Variants in RASA2 observed in about 807,000 individuals in gnomAD.
The protein encoded by RASA2 is ras GTPase-activating protein 2.
RASA2 carries 155 observed loss-of-function variants against 118.2 expected under a neutral mutation model. The observed-to-expected ratio is 1.31, with a 90% CI of 1.15 to 1.50. RASA2 has a LOEUF of 1.50. RASA2 is among the 40% of genes most tolerant of loss of function. The pLI is 0.00. For synonymous variants in RASA2, 353 were observed against 349.1 expected (o/e 1.01, Z -0.12); for missense variants, 1,016 against 1,009.6 (o/e 1.01, Z -0.09).
intron 9 of RASA2, among the ~76,000 whole-genome samples, chr3:141,568,684 CAG>C (rs2082864102): frequency 6.6e-6 from 1 of 152,054 alleles, no homozygotes; most frequent in African/African-American, 2.4e-5. Context: ...GCACTCCACA[CAG>C]ATTCTTTCTT....
At chr3:141,497,770 G>A (rs1034093374) in intron 1 of RASA2, among the ~76,000 whole-genome samples, 1 of 151,370 alleles carries the variant, frequency 6.6e-6, no homozygotes, top group Non-Finnish European at 1.5e-5. Context: ...TACTTGGAAT[G>A]CTGAGGCCAG....
At chr3:141,547,880 T>A (rs1026850071) in intron 5 of RASA2, among the ~76,000 whole-genome samples, 9 of 152,088 alleles carry the variant, frequency 5.9e-5, no homozygotes, top group Non-Finnish European at 7.4e-5. Context: ...TTTTTGAGGG[T>A]TTTATTATTA....
intron 4 of RASA2, among the ~76,000 whole-genome samples, chr3:141,539,463 G>C (rs2082375138): frequency 6.6e-6 from 1 of 152,198 alleles, no homozygotes; most frequent in South Asian, 2.1e-4. Flanking sequence ...ATTCATTCTT[G>C]TATAAGTCCC....
At chr3:141,535,823 A>C (rs74903118) in intron 4 of RASA2, among the ~76,000 whole-genome samples, 1 of 152,078 alleles carries the variant, frequency 6.6e-6, no homozygotes, top group South Asian at 2.1e-4. Flanking sequence ...TGAGGGATCT[A>C]CCCCCATGAT....
Position 141,609,457 on chromosome 3 carries a change from G to A in RASA2, c.2263G>A (p.Asp755Asn), listed in dbSNP as rs1449224942. Residue 755 changes from aspartate to asparagine, a missense_variant, in exon 22 of 24, where the codon GAC (aspartate) becomes AAC (asparagine). Physicochemically the swap from Asp to Asn is conservative, Grantham distance 23. Coordinates refer to ENST00000286364, the MANE Select transcript of RASA2 (RefSeq NM_006506.5). ...PADIQIDIDEDRETERIYSLF... is the reference protein window; with the variant it reads ...PADIQIDIDENRETERIYSLF... ...AGACATCCAAATAGATATTGATGAA[G>A]ACAGAGAAACAGAAAGAATTTATTC... The A allele has an allele frequency of 6.2e-7, 1 of 1,604,872 alleles. No individual in the cohort carries two copies. Among genetic ancestry groups the A allele is most frequent in the African/African-American group, 1.3e-5 (1 of 74,746 alleles).
chr3:141,573,072 A>G (rs1445377029), intron 12 of RASA2, 75 bp from the exon 13 acceptor site: 3 of 1,252,540 alleles, frequency 2.4e-6, no homozygotes, highest in Admixed American at 2.9e-5. Context: ...AACTTTTATT[A>G]TCAGAAAAAT....
intron 7 of RASA2, 93 bp from the exon 8 acceptor site, chr3:141,558,793 C>A: frequency 1.0e-6 from 1 of 981,652 alleles, no homozygotes; most frequent in Non-Finnish European, 1.6e-6. Context: ...CTGCTTTTAT[C>A]CACAATTGAA....
At chr3:141,580,086 ATATATATATAT>A (rs1239680320) in intron 15 of RASA2, among the ~76,000 whole-genome samples, 45 of 51,334 alleles carry the variant, frequency 8.8e-4, no homozygotes, top group African/African-American at 2.8e-3. Context: ...AAAAAAAAAA[ATATATATATAT>A]ATATATATAT....
intron 23 of RASA2, among the ~76,000 whole-genome samples, chr3:141,610,368 A>G (rs2083621774): frequency 8.2e-6 from 1 of 121,518 alleles, no homozygotes; most frequent in South Asian, 2.4e-4. Flanking sequence ...TATATTATAT[A>G]TTTATATTTA....
intron 4 of RASA2, among the ~76,000 whole-genome samples, chr3:141,530,025 AT>A (rs2082238833): frequency 6.8e-6 from 1 of 147,870 alleles, no homozygotes; most frequent in East Asian, 2.0e-4. Flanking sequence ...ATTTGTGGAG[AT>A]TAGGGCATTT....
intron 1 of RASA2, among the ~76,000 whole-genome samples, chr3:141,501,603 T>A (rs757518662): frequency 1.1e-4 from 17 of 152,220 alleles, no homozygotes; most frequent in African/African-American, 2.4e-4. Context: ...CTGTAATGCA[T>A]TCATTTAACT....
intron 17 of RASA2, among the ~76,000 whole-genome samples, chr3:141,584,789 G>A (rs1321690351): frequency 6.6e-6 from 1 of 152,080 alleles, no homozygotes; most frequent in Admixed American, 6.5e-5. Context: ...GTTACAGGTT[G>A]AGTATCCTTT....
intron 3 of RASA2, among the ~76,000 whole-genome samples, chr3:141,527,612 G>T (rs1330674310): frequency 6.6e-6 from 1 of 151,922 alleles, no homozygotes; most frequent in Non-Finnish European, 1.5e-5. Context: ...TAGAATTATG[G>T]TAATCATTTG....
Position 141,586,763 on chromosome 3 carries a change from T to A in RASA2, c.1933+11T>A, listed in dbSNP as rs1214590108. 6.3e-7 allele frequency: 1 copy of A among 1,592,794 alleles called. No individual in the cohort carries two copies. The highest frequency in any genetic ancestry group is 8.6e-7 in the Non-Finnish European group (1 of 1,161,208). On this transcript the variant is annotated intron_variant, in intron 19 of 23. Coordinates refer to ENST00000286364, the MANE Select transcript of RASA2 (RefSeq NM_006506.5). Reference sequence around the variant, plus strand: ...ACCACAAACAGCCAGGTAGTTGTGTTTATGCTTTATTGTGGGGTTTTTCCT... The same window carrying A: ...ACCACAAACAGCCAGGTAGTTGTGTATATGCTTTATTGTGGGGTTTTTCCT...
At chr3:141,553,830 T>A in intron 5 of RASA2, 27 bp from the exon 6 acceptor site, 1 of 1,589,648 alleles carries the variant, frequency 6.3e-7, no homozygotes. Flanking sequence ...GAATCTAATA[T>A]GTTAAATCTC....
At chr3:141,524,870 C>G (rs952860084) in intron 3 of RASA2, among the ~76,000 whole-genome samples, 2 of 152,114 alleles carry the variant, frequency 1.3e-5, no homozygotes, top group Non-Finnish European at 2.9e-5. Flanking sequence ...GGATTACACG[C>G]GTGAGCCACC....
chr3:141,563,802 A>G (rs1345442713), intron 9 of RASA2, among the ~76,000 whole-genome samples: 42 of 152,326 alleles, frequency 2.8e-4, no homozygotes, highest in Admixed American at 2.7e-3. Flanking sequence ...GAACTCTGGC[A>G]TATTTCTGAA....
chr3:141,597,250 T>C (rs2083388032), intron 19 of RASA2, among the ~76,000 whole-genome samples: 1 of 151,726 alleles, frequency 6.6e-6, no homozygotes, highest in Non-Finnish European at 1.5e-5. Flanking sequence ...AAAATAATAA[T>C]AAAGAATACT....
rs1486781231 is a variant in RASA2 at position 141,496,865 on chromosome 3, C to T, written c.133+9649C>T. On this transcript the variant is annotated intron_variant, in intron 1 of 23. Coordinates refer to ENST00000286364, the MANE Select transcript of RASA2 (RefSeq NM_006506.5). The stretch of plus-strand genomic sequence containing the variant: ...ATGCTGCTACAAAGACACATGCACA[C>T]GTATGTTTATTGCGGCATTATTCAC... Among the ~76,000 whole-genome samples the T allele has an allele frequency of 1.1e-4, 17 of 152,206 alleles. No individual in the cohort carries two copies. In the East Asian group the frequency reaches 1.5e-3, roughly 14 times the overall value.
Sources: gnomAD v4.1 joint callset for allele counts (sites outside exome capture counted in the v4.1 genomes callset) on GRCh38, gnomAD v4.1.1 for gene constraint, MANE v1.5 for transcripts, NCBI Gene and HGNC (gene_info 2026-07-23, HGNC 2026-07-21) for gene names.